The following ACKR3 variants were observed in gnomAD, a reference collection of about 807,000 sequenced individuals.
ACKR3 encodes the protein C-X-C chemokine receptor type 7.
A neutral mutation model predicts 22.4 loss-of-function variants in ACKR3; 6 were observed. That is an observed-to-expected ratio of 0.27 (90% CI 0.15 to 0.53). The LOEUF is 0.53. ACKR3 is among the 20% of genes least tolerant of loss of function. The probability of loss-of-function intolerance (pLI) is 0.96; values close to 1 mark genes in which losing one functional copy is unlikely to be tolerated. For synonymous variants in ACKR3, 209 were observed against 205.2 expected, an observed-to-expected ratio of 1.02 and a Z score of -0.16; for missense variants, 396 against 475.2, an observed-to-expected ratio of 0.83 and a Z score of 1.55.
Position 236,581,716 on chromosome 2 carries a change from G to A in ACKR3, c.*162G>A. The A allele has an allele frequency of 1.1e-6, 1 of 935,720 alleles. No individual in the cohort carries two copies. Among genetic ancestry groups the A allele is most frequent in the Non-Finnish European group, 1.6e-6 (1 of 637,076 alleles). The allele number at this position is 935,720 out of a possible 1,614,324, so 58.0% of individuals were successfully genotyped here. On this transcript the variant is annotated 3_prime_UTR_variant, in exon 2 of 2. Coordinates refer to ENST00000272928, the MANE Select transcript of ACKR3 (RefSeq NM_020311.3). The surrounding 1 kb of genome is among the most constrained non-coding windows in gnomAD (Gnocchi z 4.4). ...GCATCCATTCTCTCTTTCTCTTGAT[G>A]ACGCAGCTGTCATTTGGCTGTGCGT...
the ACKR3 span, among the ~76,000 whole-genome samples, chr2:236,538,056 A>G: frequency 1.3e-5 from 2 of 152,256 alleles, no homozygotes; most frequent in Non-Finnish European, 2.9e-5. Flanking sequence ...AACAACTCTT[A>G]ACAGGTCTTG....
rs750893666 is a variant in ACKR3, at chr2:236,581,030, G to C, written c.565G>C (p.Ala189Pro). The C allele has an allele frequency of 1.2e-6, 2 of 1,614,172 alleles. No homozygotes were observed. The highest frequency in any genetic ancestry group is 1.7e-6 in the Non-Finnish European group (2 of 1,180,040). Reference protein sequence around the residue: ...DTYYLKTVTSASNNETYCRSF... With the variant: ...DTYYLKTVTSPSNNETYCRSF... ...CTACTACCTGAAGACCGTCACGTCTGCGTCCAACAATGAGACCTACTGCCG... is the reference window on the plus strand; with the variant it reads ...CTACTACCTGAAGACCGTCACGTCTCCGTCCAACAATGAGACCTACTGCCG... The change falls in exon 2 of 2, where the codon GCG becomes CCG. Residue 189 changes from alanine (A) to proline (P), a missense_variant. By Grantham distance (27) the Ala-to-Pro change is conservative. Transcript: ENST00000272928. The surrounding 1 kb of genome is among the most constrained non-coding windows in gnomAD (Gnocchi z 4.4).
chr2:236,552,589 T>C, the ACKR3 span, among the ~76,000 whole-genome samples: 2 of 152,288 alleles, frequency 1.3e-5, no homozygotes, highest in South Asian at 4.1e-4. Context: ...AAATGGTAAA[T>C]GCTTGCTATT....
the ACKR3 span, among the ~76,000 whole-genome samples, chr2:236,542,861 A>G: frequency 3.3e-5 from 3 of 89,794 alleles, no homozygotes; most frequent in Admixed American, 2.7e-4. Context: ...TTATAATCCT[A>G]TTTACACATG....
the ACKR3 span, among the ~76,000 whole-genome samples, chr2:236,546,290 A>G: frequency 6.6e-6 from 1 of 152,164 alleles, no homozygotes; most frequent in Non-Finnish European, 1.5e-5. This position sits in a 1 kb window ranked among gnomAD's most constrained non-coding sequence, Gnocchi z 4.9. Context: ...TCCTTCTGGA[A>G]GGACGGCTTC....
At chr2:236,546,097 G>A in the ACKR3 span, among the ~76,000 whole-genome samples, 1 of 152,202 alleles carries the variant, frequency 6.6e-6, no homozygotes, top group Non-Finnish European at 1.5e-5. The surrounding 1 kb of genome is among the most constrained non-coding windows in gnomAD (Gnocchi z 4.9). Flanking sequence ...AAGCACCAAC[G>A]ATGCGATGTT....
At chr2:236,552,376 G>C in the ACKR3 span, among the ~76,000 whole-genome samples, 10 of 151,524 alleles carry the variant, frequency 6.6e-5, no homozygotes, top group African/African-American at 2.4e-4. Context: ...AAAATTTGAG[G>C]AAATTAGTAA....
chr2:236,580,572 A>G lies in ACKR3; in HGVS notation c.107A>G (p.Asn36Ser), dbSNP rs1574978073. 1 of 1,613,404 alleles carries G rather than the reference A, an allele frequency of 6.2e-7. No homozygotes were observed. The highest frequency in any genetic ancestry group is 1.7e-5 in the Admixed American group (1 of 59,976). Residue 36 changes from asparagine to serine, a missense_variant, in exon 2 of 2, where the codon AAC (asparagine) becomes AGC (serine). By Grantham distance (46) the Asn-to-Ser change is conservative. Coordinates refer to ENST00000272928, the MANE Select transcript of ACKR3 (RefSeq NM_020311.3). ...GTGGTGGACACGGTGATGTGTCCCA[A>G]CATGCCCAACAAAAGCGTCCTGCTC... ...CIVVDTVMCP[N>S]MPNKSVLLYT... is the part of the protein sequence containing the mutation.
At chr2:236,541,122 T>C in the ACKR3 span, among the ~76,000 whole-genome samples, 1 of 152,212 alleles carries the variant, frequency 6.6e-6, no homozygotes, top group African/African-American at 2.4e-5. Flanking sequence ...GATATCACTG[T>C]AGAAAACATG....
At chr2:236,544,706 C>T in the ACKR3 span, among the ~76,000 whole-genome samples, 2 of 152,066 alleles carry the variant, frequency 1.3e-5, no homozygotes, top group Non-Finnish European at 2.9e-5. This position sits in a 1 kb window ranked among gnomAD's most constrained non-coding sequence, Gnocchi z 5.0. Flanking sequence ...GGTCTTGTAA[C>T]CGAGCTGAGG....
rs1691281429 is a variant in ACKR3 at position 236,570,364 on chromosome 2, A to G, written c.-27+440A>G. Among the ~76,000 whole-genome samples the G allele has an allele frequency of 2.0e-5, 3 of 152,370 alleles. No homozygotes were observed. In the East Asian group the frequency reaches 5.8e-4, roughly 29 times the overall value. On this transcript the variant is annotated intron_variant, in intron 1 of 1. Coordinates refer to ENST00000272928, the MANE Select transcript of ACKR3 (RefSeq NM_020311.3). ...CAGTTTGGAAACAGATAAAATTGGCAGTAAATACGTAATTCCAGAATGATG... is the reference window on the plus strand; with the variant it reads ...CAGTTTGGAAACAGATAAAATTGGCGGTAAATACGTAATTCCAGAATGATG...
the ACKR3 span, among the ~76,000 whole-genome samples, chr2:236,544,815 T>C: frequency 6.6e-6 from 1 of 152,110 alleles, no homozygotes; most frequent in East Asian, 1.9e-4. This position sits in a 1 kb window ranked among gnomAD's most constrained non-coding sequence, Gnocchi z 5.0. Flanking sequence ...TGGGCTAGAT[T>C]TGGGAGAAAG....
At chr2:236,537,464 T>C in the ACKR3 span, among the ~76,000 whole-genome samples, 2 of 152,204 alleles carry the variant, frequency 1.3e-5, no homozygotes, top group Non-Finnish European at 2.9e-5. Flanking sequence ...TGGGTGCATA[T>C]GCTTTTTTCT....
chr2:236,562,399 T>C, the ACKR3 span, among the ~76,000 whole-genome samples: 1 of 152,232 alleles, frequency 6.6e-6, no homozygotes, highest in Non-Finnish European at 1.5e-5. Context: ...TATTGGTCTA[T>C]AATGTTTTCT....
At chr2:236,552,466 C>T in the ACKR3 span, among the ~76,000 whole-genome samples, 1 of 152,232 alleles carries the variant, frequency 6.6e-6, no homozygotes. Flanking sequence ...TCTGTCCTCC[C>T]AGTCTTTCCC....
chr2:236,551,350 G>A, the ACKR3 span, among the ~76,000 whole-genome samples: 1 of 152,214 alleles, frequency 6.6e-6, no homozygotes, highest in Non-Finnish European at 1.5e-5. Context: ...GGAGCTGGAG[G>A]TGGCTGCCCC....
intron 1 of ACKR3, among the ~76,000 whole-genome samples, chr2:236,571,172 A>T (rs1040778963): frequency 6.6e-6 from 1 of 152,218 alleles, no homozygotes; most frequent in African/African-American, 2.4e-5. Flanking sequence ...CCCTTCTTTC[A>T]TCAGAATATG....
chr2:236,581,688 C>T lies in ACKR3; in HGVS notation c.*134C>T, dbSNP rs1691542447. 2.6e-6 allele frequency: 3 copies of T among 1,133,060 alleles called. No homozygotes were observed. Among genetic ancestry groups the T allele is most frequent in the Non-Finnish European group, 3.7e-6 (3 of 808,518 alleles). 70.2% of individuals were successfully genotyped at this position (1,133,060 alleles called of 1,614,324 possible). A position where few individuals can be genotyped will look rare whatever the true frequency, so the allele number is the denominator to read the frequency against. On this transcript the variant is annotated 3_prime_UTR_variant, in exon 2 of 2. Transcript: ENST00000272928. The surrounding 1 kb of genome is among the most constrained non-coding windows in gnomAD (Gnocchi z 4.4). Reference sequence around the variant, plus strand: ...AGAGTGAAGAGGGGAGCACGTGCCCCCTGCATCCATTCTCTCTTTCTCTTG... The same window carrying T: ...AGAGTGAAGAGGGGAGCACGTGCCCTCTGCATCCATTCTCTCTTTCTCTTG...
the ACKR3 span, among the ~76,000 whole-genome samples, chr2:236,560,506 C>G: frequency 6.6e-6 from 1 of 152,012 alleles, no homozygotes; most frequent in Admixed American, 6.6e-5. Context: ...AAGTCCTTAG[C>G]CCGTTTTTAA....
Sources: gnomAD v4.1 joint callset for allele counts (sites outside exome capture counted in the v4.1 genomes callset) on GRCh38, gnomAD v4.1.1 for gene constraint, Gnocchi (gnomAD v3.1) non-coding constraint, MANE v1.5 for transcripts, NCBI Gene and HGNC (gene_info 2026-07-23, HGNC 2026-07-21) for gene names.